Variants in OPRM1 observed in about 807,000 individuals in gnomAD.
OPRM1 encodes the protein mu-type opioid receptor.
OPRM1 carries 27 observed loss-of-function variants against 31.8 expected under a neutral mutation model. The observed-to-expected ratio is 0.85, with a 90% CI of 0.63 to 1.17. The LOEUF (loss-of-function observed/expected upper bound fraction) is 1.17, where lower values mean the gene tolerates loss of function less well. Among genes scored for constraint, OPRM1 ranks in the 50% most tolerant of loss-of-function variants. The pLI is 0.00. For missense variants in OPRM1, 536 were observed against 511.1 expected, an observed-to-expected ratio of 1.05 and a Z score of -0.47; for synonymous variants, 196 against 189.9, an observed-to-expected ratio of 1.03 and a Z score of -0.26.
intron 1 of OPRM1, among the ~76,000 whole-genome samples, chr6:154,042,823 A>T (rs1287462657): frequency 6.6e-6 from 1 of 152,196 alleles, no homozygotes; most frequent in African/African-American, 2.4e-5. Context: ...TTGGAGAATA[A>T]CCTTATGAAA....
At chr6:154,057,024 A>G (rs1783443982) in intron 1 of OPRM1, among the ~76,000 whole-genome samples, 1 of 152,218 alleles carries the variant, frequency 6.6e-6, no homozygotes, top group Non-Finnish European at 1.5e-5. Flanking sequence ...CTGATGACAA[A>G]AGGAAGCCTT....
At chr6:154,228,552 C>T (rs1387386618) in intron 3 of OPRM1, among the ~76,000 whole-genome samples, 1 of 152,196 alleles carries the variant, frequency 6.6e-6, no homozygotes, top group Non-Finnish European at 1.5e-5. Flanking sequence ...GTTTTCCCAG[C>T]ATCTCTGATT....
chr6:154,215,904 T>C (rs1241151288), intron 3 of OPRM1, among the ~76,000 whole-genome samples: 1 of 152,122 alleles, frequency 6.6e-6, no homozygotes, highest in Non-Finnish European at 1.5e-5. Context: ...TTTTGAGAAA[T>C]GCACACTCAA....
intron 3 of OPRM1, chr6:154,223,232 A>G (rs1414363661): frequency 2.5e-6 from 4 of 1,612,962 alleles, no homozygotes; most frequent in Non-Finnish European, 3.4e-6. Context: ...CAAATCCATC[A>G]GCTTTCTCTG....
intron 3 of OPRM1, among the ~76,000 whole-genome samples, chr6:154,211,896 G>A (rs984290145): frequency 6.6e-6 from 1 of 152,076 alleles, no homozygotes; most frequent in African/African-American, 2.4e-5. Flanking sequence ...AGGAGGAGGA[G>A]GAAGCAGCTA....
intron 1 of OPRM1, 132 bp downstream of exon 1, chr6:154,039,966 G>A: frequency 1.5e-6 from 1 of 688,324 alleles, no homozygotes; most frequent in East Asian, 2.7e-5. Flanking sequence ...GACTCTGGAG[G>A]AGACCACGGA....
At chr6:154,099,454 GA>G (rs1794078522) in intron 3 of OPRM1, among the ~76,000 whole-genome samples, 1 of 142,670 alleles carries the variant, frequency 7.0e-6, no homozygotes, top group African/African-American at 2.7e-5. Flanking sequence ...GAAAGAAAGA[GA>G]GAAAGAAAGA....
At chr6:154,032,653 C>T (rs1405780670) in intron 1 of OPRM1, among the ~76,000 whole-genome samples, 2 of 152,140 alleles carry the variant, frequency 1.3e-5, no homozygotes, top group Admixed American at 6.5e-5. Flanking sequence ...AAGCTGGTCT[C>T]AAACTCCTGG....
intron 1 of OPRM1, among the ~76,000 whole-genome samples, chr6:154,056,940 C>A (rs993880061): frequency 1.3e-5 from 2 of 152,158 alleles, no homozygotes; most frequent in Non-Finnish European, 2.9e-5. Flanking sequence ...TGTTAAAGAT[C>A]CAAGGCCACT....
At chr6:154,245,713 G>T (rs7754313) in intron 3 of OPRM1, among the ~76,000 whole-genome samples, 3,289 of 152,182 alleles carry the variant, frequency 0.022, 127 homozygotes, top group African/African-American at 0.075. Flanking sequence ...CTCCAGTGCT[G>T]ATCTTCACAG....
chr6:154,024,430 T>C (rs534308330), intron 1 of OPRM1, among the ~76,000 whole-genome samples: 4 of 152,120 alleles, frequency 2.6e-5, no homozygotes, highest in Admixed American at 2.0e-4. Context: ...CTTCCCTCTT[T>C]TTTTCTTAGT....
At chr6:154,109,782 CTCTCTCTCTCTGTGTGTGTGTGTGTGTG>C (rs1438973043) in intron 3 of OPRM1, among the ~76,000 whole-genome samples, 9 of 119,644 alleles carry the variant, frequency 7.5e-5, no homozygotes, top group African/African-American at 1.5e-4. Context: ...CTCTCTCTCT[CTCTCTCTCTCTGTGTGTGTGTGTGTGTG>C]TGTGTGTGTG....
At chr6:154,043,081 G>A (rs1458067374) in intron 1 of OPRM1, among the ~76,000 whole-genome samples, 1 of 152,086 alleles carries the variant, frequency 6.6e-6, no homozygotes, top group East Asian at 1.9e-4. Flanking sequence ...CTTTTTCCAA[G>A]GTTTGTTCAT....
intron 3 of OPRM1, among the ~76,000 whole-genome samples, chr6:154,179,191 G>C (rs1212323308): frequency 6.6e-6 from 1 of 152,148 alleles, no homozygotes; most frequent in East Asian, 1.9e-4. Context: ...AAGTGCAAAA[G>C]AAAACACAGC....
rs564210033 is a variant in OPRM1, at chr6:154,218,326, G to A, written c.1165-28367G>A. Among the ~76,000 whole-genome samples the A allele has an allele frequency of 1.2e-4, 19 of 152,298 alleles. 2 individuals carry two copies. Among genetic ancestry groups the A allele is most frequent in the South Asian group, 6.2e-4 (3 of 4,818 alleles). The stretch of plus-strand genomic sequence containing the variant: ...GCAGCTCCCGTCTTTGCTGAGAAAC[G>A]AACTCTTTCATTACCCTTAATTACT... On this transcript the variant is annotated intron_variant, in intron 3 of 3. Transcript: ENST00000337049.
intron 3 of OPRM1, among the ~76,000 whole-genome samples, chr6:154,197,310 C>A (rs1776697450): frequency 6.6e-6 from 1 of 152,104 alleles, no homozygotes. Flanking sequence ...TTTGATTACT[C>A]AACAGCAAGT....
chr6:154,154,765 CAT>C (rs1424390487), intron 3 of OPRM1: 3 of 152,318 alleles, frequency 2.0e-5, no homozygotes, highest in Non-Finnish European at 4.4e-5. Context: ...ACCTCAAAAA[CAT>C]AAAGCAGGAG....
chr6:154,156,468 C>CTGCTTCATCACTGGG (rs2128544033), intron 3 of OPRM1: 1 of 152,394 alleles, frequency 6.6e-6, no homozygotes, highest in African/African-American at 2.4e-5. Context: ...ACTCAAGTTC[C>CTGCTTCATCACTGGG]TGCTTCATCA....
chr6:154,032,392 TAAA>T (rs1390512950), intron 1 of OPRM1, among the ~76,000 whole-genome samples: 1 of 152,218 alleles, frequency 6.6e-6, no homozygotes, highest in Non-Finnish European at 1.5e-5. Flanking sequence ...GCCTGTGATT[TAAA>T]CAAGATTTTA....
Sources: allele counts gnomAD v4.1 joint callset (sites outside exome capture counted in the v4.1 genomes callset), GRCh38; gene constraint gnomAD v4.1.1; transcripts MANE v1.5; gene names NCBI Gene and HGNC (gene_info 2026-07-23, HGNC 2026-07-21).